Variants in STXBP5L observed in about 807,000 individuals in gnomAD.
The protein encoded by STXBP5L is syntaxin binding protein 5L, also known as syntaxin-binding protein 5-like.
Under a neutral mutation model 144.5 loss-of-function variants are expected in STXBP5L, and 65 were observed. That is an observed-to-expected ratio of 0.45 (90% confidence interval 0.37 to 0.55). The LOEUF is 0.55. Among genes scored for constraint, STXBP5L ranks in the 20% least tolerant of loss-of-function variants. STXBP5L has a pLI of 0.00. For synonymous variants in STXBP5L, 505 were observed against 469.6 expected (o/e 1.08, Z -0.97); for missense variants, 1,298 against 1,405.5 (o/e 0.92, Z 1.22).
rs578103174 is a variant in STXBP5L at position 121,009,121 on chromosome 3, CATT to C, written c.288-32576_288-32574del. Among the ~76,000 whole-genome samples the C allele has an allele frequency of 5.9e-5, 9 of 152,072 alleles. No individual in the cohort carries two copies. The South Asian group carries it at 1.9e-3, about 32-fold the overall frequency. Reference sequence around the variant, plus strand: ...CCTGCCACCTGGTCACTCTGTTCCTCATTATGAAGGCAGTGGGGTGGCTGAGGA... The same window carrying C: ...CCTGCCACCTGGTCACTCTGTTCCTCATGAAGGCAGTGGGGTGGCTGAGGA... On this transcript the variant is annotated intron_variant, in intron 3 of 26. Transcript: ENST00000471454.
At chr3:121,357,025 C>T (rs560006095) in intron 20 of STXBP5L, 16 of 201,152 alleles carry the variant, frequency 8.0e-5, no homozygotes, top group Admixed American at 2.4e-4. Context: ...GAGCCAATCA[C>T]GTGTCATGCC....
intron 14 of STXBP5L, among the ~76,000 whole-genome samples, chr3:121,245,428 A>G (rs2049817347): frequency 6.6e-6 from 1 of 151,856 alleles, no homozygotes; most frequent in Non-Finnish European, 1.5e-5. Context: ...ATAGAAAATA[A>G]TAAAATGGCA....
chr3:121,303,030 T>G (rs2051985787), intron 19 of STXBP5L, among the ~76,000 whole-genome samples: 1 of 152,094 alleles, frequency 6.6e-6, no homozygotes, highest in African/African-American at 2.4e-5. Flanking sequence ...AATTGATAAA[T>G]GGGATCTAAT....
At chr3:121,226,851 C>T (rs1000188685) in intron 11 of STXBP5L, among the ~76,000 whole-genome samples, 2 of 152,206 alleles carry the variant, frequency 1.3e-5, no homozygotes, top group East Asian at 1.9e-4. Flanking sequence ...ATGGCCAGAC[C>T]AAGTCAGGCA....
intron 9 of STXBP5L, among the ~76,000 whole-genome samples, chr3:121,189,556 G>C (rs1480225861): frequency 6.6e-6 from 1 of 152,008 alleles, no homozygotes; most frequent in African/African-American, 2.4e-5. Flanking sequence ...ATTTCTGAGG[G>C]CTCTATTCTG....
chr3:120,931,716 A>G (rs1709949127), intron 2 of STXBP5L, among the ~76,000 whole-genome samples: 1 of 152,204 alleles, frequency 6.6e-6, no homozygotes, highest in Admixed American at 6.6e-5. Flanking sequence ...GATTTGCAGC[A>G]ACCAGAGAAG....
At chr3:120,948,046 C>A (rs1710969731) in intron 2 of STXBP5L, among the ~76,000 whole-genome samples, 1 of 151,736 alleles carries the variant, frequency 6.6e-6, no homozygotes. Flanking sequence ...AAAGAGCCTG[C>A]ATTATTTTAC....
chr3:121,028,098 T>A (rs1400232763), intron 3 of STXBP5L, among the ~76,000 whole-genome samples: 1 of 152,064 alleles, frequency 6.6e-6, no homozygotes, highest in East Asian at 1.9e-4. Flanking sequence ...TTAAATAAAT[T>A]AATTAATACA....
intron 23 of STXBP5L, among the ~76,000 whole-genome samples, chr3:121,412,006 C>G (rs1195287720): frequency 1.3e-5 from 2 of 150,798 alleles, no homozygotes; most frequent in East Asian, 3.9e-4. Flanking sequence ...AGAACATTTG[C>G]TAAGCATCTA....
intron 14 of STXBP5L, among the ~76,000 whole-genome samples, chr3:121,244,162 C>A (rs1039564536): frequency 6.6e-6 from 1 of 151,112 alleles, no homozygotes; most frequent in African/African-American, 2.4e-5. Flanking sequence ...AAATAGAAAA[C>A]TAAACAAAAT....
intron 5 of STXBP5L, among the ~76,000 whole-genome samples, chr3:121,050,714 G>A (rs1244520355): frequency 6.6e-6 from 1 of 152,260 alleles, no homozygotes; most frequent in Non-Finnish European, 1.5e-5. Flanking sequence ...ATAATGACAG[G>A]ACCAAATACA....
chr3:121,104,254 A>C (rs1384321227), intron 5 of STXBP5L, among the ~76,000 whole-genome samples: 3 of 152,196 alleles, frequency 2.0e-5, no homozygotes, highest in Non-Finnish European at 1.5e-5. Context: ...AATAGAATAC[A>C]AACAAGTAGA....
At chr3:120,975,672 CT>C (rs1940897258) in intron 3 of STXBP5L, among the ~76,000 whole-genome samples, 1 of 152,156 alleles carries the variant, frequency 6.6e-6, no homozygotes, top group African/African-American at 2.4e-5. Context: ...ACGATATTGG[CT>C]GTAGGTTTGT....
At chr3:121,367,812 A>C in intron 20 of STXBP5L, among the ~76,000 whole-genome samples, 1 of 15,144 alleles carries the variant, frequency 6.6e-5, no homozygotes, top group African/African-American at 2.8e-4. Context: ...TTTTGTAGAG[A>C]CCAGGTCTTC....
intron 6 of STXBP5L, among the ~76,000 whole-genome samples, chr3:121,121,367 A>T (rs1159547238): frequency 1.3e-5 from 2 of 151,348 alleles, no homozygotes; most frequent in Non-Finnish European, 3.0e-5. Flanking sequence ...TTATCTGACA[A>T]CAAACGTTTC....
intron 3 of STXBP5L, among the ~76,000 whole-genome samples, chr3:120,999,349 T>A (rs1943592870): frequency 6.6e-6 from 1 of 152,170 alleles, no homozygotes; most frequent in Non-Finnish European, 1.5e-5. Context: ...TTACTTTTGA[T>A]GTTGTGGTTT....
chr3:121,228,719 A>C (rs2049202771), intron 11 of STXBP5L, among the ~76,000 whole-genome samples: 1 of 152,130 alleles, frequency 6.6e-6, no homozygotes, highest in South Asian at 2.1e-4. Flanking sequence ...TCTACTAAAA[A>C]TACAAAAATC....
At chr3:121,386,283 T>C (rs1161397720) in intron 22 of STXBP5L, among the ~76,000 whole-genome samples, 2 of 152,162 alleles carry the variant, frequency 1.3e-5, no homozygotes, top group Non-Finnish European at 2.9e-5. Flanking sequence ...AGTGTACCCA[T>C]TGTTTAGCTC....
intron 5 of STXBP5L, among the ~76,000 whole-genome samples, chr3:121,093,067 A>T (rs989839022): frequency 6.6e-6 from 1 of 152,124 alleles, no homozygotes; most frequent in Non-Finnish European, 1.5e-5. Flanking sequence ...TATATGCTGG[A>T]TTACATTTAT....
Sources: allele counts gnomAD v4.1 joint callset (sites outside exome capture counted in the v4.1 genomes callset), GRCh38; gene constraint gnomAD v4.1.1; transcripts MANE v1.5; gene names NCBI Gene and HGNC (gene_info 2026-07-23, HGNC 2026-07-21).